Variants in PTPRJ observed in about 807,000 individuals in gnomAD.
PTPRJ encodes the protein receptor-type tyrosine-protein phosphatase eta.
Under a neutral mutation model 141.3 loss-of-function variants are expected in PTPRJ, and 129 were observed. The ratio of observed to expected loss-of-function variants is 0.91; its 90% CI spans 0.79 to 1.06. The LOEUF (loss-of-function observed/expected upper bound fraction) is 1.06. PTPRJ is among the 50% of genes least tolerant of loss of function. PTPRJ has a pLI of 0.00. For synonymous variants in PTPRJ, 610 were observed against 640.5 expected, an observed-to-expected ratio of 0.95 and a Z score of 0.72; for missense variants, 1,601 against 1,679.7, an observed-to-expected ratio of 0.95 and a Z score of 0.82.
At chr11:47,989,176 C>G (rs937236534) in intron 1 of PTPRJ, among the ~76,000 whole-genome samples, 1 of 151,622 alleles carries the variant, frequency 6.6e-6, no homozygotes, top group Non-Finnish European at 1.5e-5. Context: ...AGCCACCGCG[C>G]CTGGCCGTAT....
At chr11:47,992,220 C>G (rs1035848461) in intron 1 of PTPRJ, among the ~76,000 whole-genome samples, 1 of 152,056 alleles carries the variant, frequency 6.6e-6, no homozygotes, top group African/African-American at 2.4e-5. Flanking sequence ...GTCACCCAGG[C>G]TGGAGTGCAG....
At chr11:48,046,781 A>T (rs1854409166) in intron 1 of PTPRJ, among the ~76,000 whole-genome samples, 1 of 151,702 alleles carries the variant, frequency 6.6e-6, no homozygotes, top group African/African-American at 2.4e-5. Flanking sequence ...TTAGGCTCAG[A>T]GAGGCTGGGT....
chr11:48,085,011 A>G (rs538236062), intron 1 of PTPRJ, among the ~76,000 whole-genome samples: 2 of 152,234 alleles, frequency 1.3e-5, no homozygotes, highest in African/African-American at 4.8e-5. Context: ...TCCACGATGC[A>G]GAGAAGTTTT....
Position 48,144,853 on chromosome 11 carries a change from C to A in PTPRJ, c.2754C>A (p.Tyr918Ter). 6.2e-7 allele frequency: 1 copy of A among 1,614,190 alleles called. No homozygotes were observed. The highest frequency in any genetic ancestry group is 8.5e-7 in the Non-Finnish European group (1 of 1,180,028). The change falls in exon 13 of 25, where the codon TAC becomes TAA. Residue 918 changes from tyrosine to a stop codon, truncating the protein, a stop_gained. Coordinates refer to ENST00000418331, the MANE Select transcript of PTPRJ (RefSeq NM_002843.4). LOFTEE classifies it high-confidence loss of function. ...VGNESTTLGY[Y>*]NGKLEPLGSY... is the part of the protein sequence containing the mutation. ...ATGAGTCAACCACACTTGGTTATTA[C>A]AATGGGAAGCTGGAACCTCTGGGCT...
intron 24 of PTPRJ, among the ~76,000 whole-genome samples, chr11:48,165,353 A>T (rs1038137550): frequency 4.6e-5 from 7 of 152,218 alleles, no homozygotes; most frequent in Non-Finnish European, 1.0e-4. Flanking sequence ...ACCAGCGGAG[A>T]AAAGGAACAC....
intron 8 of PTPRJ, among the ~76,000 whole-genome samples, chr11:48,135,043 C>T (rs1328320364): frequency 6.6e-6 from 1 of 152,104 alleles, no homozygotes; most frequent in Non-Finnish European, 1.5e-5. Context: ...ATATAATATA[C>T]ATACCGAAAA....
At chr11:48,095,334 A>T (rs1236611181) in intron 1 of PTPRJ, among the ~76,000 whole-genome samples, 1 of 152,204 alleles carries the variant, frequency 6.6e-6, no homozygotes, top group African/African-American at 2.4e-5. Flanking sequence ...TTCTTTGTTA[A>T]TGCAAACTTT....
At chr11:47,981,555 C>G (rs1039395805) in intron 1 of PTPRJ, among the ~76,000 whole-genome samples, 1 of 152,214 alleles carries the variant, frequency 6.6e-6, no homozygotes, top group Non-Finnish European at 1.5e-5. Context: ...GGGAAAGTTC[C>G]CAGGCCGGGG....
At chr11:47,993,105 A>T (rs1354792776) in intron 1 of PTPRJ, among the ~76,000 whole-genome samples, 1 of 152,170 alleles carries the variant, frequency 6.6e-6, no homozygotes, top group East Asian at 1.9e-4. Context: ...GAAGAACCAA[A>T]TTGTCGAGAG....
At chr11:48,091,242 C>G (rs1565298206) in intron 1 of PTPRJ, among the ~76,000 whole-genome samples, 1 of 152,122 alleles carries the variant, frequency 6.6e-6, no homozygotes, top group African/African-American at 2.4e-5. Flanking sequence ...AATTTTCCCT[C>G]TTGTAAAATG....
At chr11:48,022,978 G>C (rs1220768254) in intron 1 of PTPRJ, among the ~76,000 whole-genome samples, 1 of 152,052 alleles carries the variant, frequency 6.6e-6, no homozygotes. Context: ...GTGCAGGATG[G>C]GACTCAATAT....
intron 1 of PTPRJ, among the ~76,000 whole-genome samples, chr11:48,098,519 T>TAAATAACCTGTATTCA (rs1197653996): frequency 1.6e-4 from 7 of 43,442 alleles, no homozygotes; most frequent in Admixed American, 3.0e-4. Context: ...TTTTATCTCT[T>TAAATAACCTGTATTCA]TTTTTTTTTT....
chr11:48,131,480 A>G, intron 8 of PTPRJ: 1 of 773,044 alleles, frequency 1.3e-6, no homozygotes, highest in Non-Finnish European at 2.4e-6. Flanking sequence ...AATTATGAAT[A>G]TTCTTTCCTC....
intron 3 of PTPRJ, 42 bp downstream of exon 3, chr11:48,113,025 A>G: frequency 6.8e-7 from 1 of 1,464,132 alleles, no homozygotes; most frequent in Non-Finnish European, 9.4e-7. Flanking sequence ...CTTAAAGGAA[A>G]TCGGTAGAAT....
chr11:48,117,373 T>C (rs1357670941), intron 3 of PTPRJ, among the ~76,000 whole-genome samples: 1 of 151,058 alleles, frequency 6.6e-6, no homozygotes, highest in Admixed American at 6.6e-5. Flanking sequence ...AAACCCCGTC[T>C]CTACTAAAAA....
chr11:47,982,370 C>T (rs1198893118), intron 1 of PTPRJ, among the ~76,000 whole-genome samples: 2 of 152,188 alleles, frequency 1.3e-5, no homozygotes, highest in Admixed American at 1.3e-4. Context: ...ACCCTCTGCC[C>T]AATGGAATTG....
intron 1 of PTPRJ, among the ~76,000 whole-genome samples, chr11:48,093,387 C>G (rs1302059896): frequency 6.6e-6 from 1 of 152,170 alleles, no homozygotes; most frequent in African/African-American, 2.4e-5. Context: ...TAAAGCATTT[C>G]TTTTTATTAT....
intron 1 of PTPRJ, among the ~76,000 whole-genome samples, chr11:48,107,689 G>T (rs908518980): frequency 1.3e-5 from 2 of 152,196 alleles, no homozygotes; most frequent in Non-Finnish European, 2.9e-5. Context: ...CTGGGTTCTG[G>T]TTCTTGTGCC....
At chr11:48,058,407 C>T (rs996166720) in intron 1 of PTPRJ, among the ~76,000 whole-genome samples, 2 of 151,948 alleles carry the variant, frequency 1.3e-5, no homozygotes, top group East Asian at 3.9e-4. Context: ...GATGGGATCT[C>T]GCTATGTTGC....
Sources: gnomAD v4.1 joint callset for allele counts (sites outside exome capture counted in the v4.1 genomes callset) on GRCh38, gnomAD v4.1.1 for gene constraint, MANE v1.5 for transcripts, NCBI Gene and HGNC (gene_info 2026-07-23, HGNC 2026-07-21) for gene names.